Variants in KIAA1958 observed in about 807,000 individuals in gnomAD.
KIAA1958 encodes uncharacterized protein KIAA1958.
Under a neutral mutation model 47.2 loss-of-function variants are expected in KIAA1958, and 14 were observed. The observed-to-expected ratio is 0.30, with a 90% confidence interval of 0.20 to 0.46. KIAA1958 has a LOEUF of 0.46. Among genes scored for constraint, KIAA1958 ranks in the 20% least tolerant of loss-of-function variants. The probability of loss-of-function intolerance (pLI) is 1.00; values close to 1 mark genes in which losing one functional copy is unlikely to be tolerated. For missense variants in KIAA1958, 803 were observed against 909.2 expected (o/e 0.88, Z 1.50); for synonymous variants, 354 against 353.3 (o/e 1.00, Z -0.02).
intron 1 of KIAA1958, among the ~76,000 whole-genome samples, chr9:112,550,052 G>A (rs2132837007): frequency 6.6e-6 from 1 of 152,310 alleles, no homozygotes; most frequent in East Asian, 1.9e-4. Flanking sequence ...TGAGTTTAAT[G>A]TGGCTGGAGC....
In KIAA1958 at chr9:112,575,232, C is replaced by T. The variant is rs775915908; in HGVS notation, c.1152C>T (p.Ala384=). 1.3e-6 allele frequency: 2 copies of T among 1,564,050 alleles called. No homozygotes were observed. The highest frequency in any genetic ancestry group is 2.4e-5 in the South Asian group (2 of 83,426). Residue 384 remains alanine, a synonymous_variant, in exon 2 of 4, where the codon GCC becomes GCT. Transcript: ENST00000337530. The part of the protein sequence containing the change: ...PPVAPAITTE[A]TAQCIPAYST... Reference sequence around the variant, plus strand: ...TCGCTCCAGCCATAACCACTGAGGCCACAGCACAGTGCATACCAGGTATGG... The same window carrying T: ...TCGCTCCAGCCATAACCACTGAGGCTACAGCACAGTGCATACCAGGTATGG...
rs929494250 is a variant in KIAA1958 at position 112,665,041 on chromosome 9, T to A, written c.*4972T>A. Reference sequence around the variant, plus strand: ...TTGCGCTCAATTAAAGTGCTTATTATTTAGCTAAAACAACTTATATGGAAG... The same window carrying A: ...TTGCGCTCAATTAAAGTGCTTATTAATTAGCTAAAACAACTTATATGGAAG... On this transcript the variant is annotated 3_prime_UTR_variant, in exon 4 of 4. Transcript: ENST00000337530. 2 of 152,124 alleles carry A rather than the reference T, an allele frequency of 1.3e-5. No homozygotes were observed. Among genetic ancestry groups the A allele is most frequent in the Non-Finnish European group, 2.9e-5 (2 of 68,028 alleles). The allele number at this position is 152,124 out of a possible 1,614,324, so 9.4% of individuals were successfully genotyped here.
At chr9:112,624,465 A>C (rs2131222509) in intron 2 of KIAA1958, among the ~76,000 whole-genome samples, 1 of 152,226 alleles carries the variant, frequency 6.6e-6, no homozygotes, top group East Asian at 1.9e-4. Context: ...ATCAAATAGA[A>C]CTGGAATAAA....
chr9:112,580,394 G>A (rs1188834990), intron 2 of KIAA1958, among the ~76,000 whole-genome samples: 1 of 151,962 alleles, frequency 6.6e-6, no homozygotes, highest in Non-Finnish European at 1.5e-5. Context: ...AAATATGTGT[G>A]CTTGTGTATA....
intron 1 of KIAA1958, among the ~76,000 whole-genome samples, chr9:112,498,891 C>T (rs1309640385): frequency 1.3e-5 from 2 of 152,186 alleles, no homozygotes; most frequent in South Asian, 2.1e-4. Context: ...CTCTATCCAT[C>T]CCTCTCCCTT....
chr9:112,510,819 C>T (rs1478777239), intron 1 of KIAA1958, among the ~76,000 whole-genome samples: 1 of 151,932 alleles, frequency 6.6e-6, no homozygotes, highest in Non-Finnish European at 1.5e-5. Context: ...GTACAGTAGT[C>T]TCAGAGAGCT....
At chr9:112,637,293 A>ACATCTGT (rs768488867) in intron 2 of KIAA1958, among the ~76,000 whole-genome samples, 9 of 152,126 alleles carry the variant, frequency 5.9e-5, no homozygotes, top group Non-Finnish European at 1.0e-4. Context: ...TTTTGCCTGA[A>ACATCTGT]CATCTGTCTT....
At chr9:112,648,408 C>T (rs1325602759) in intron 3 of KIAA1958, among the ~76,000 whole-genome samples, 1 of 152,162 alleles carries the variant, frequency 6.6e-6, no homozygotes, top group Non-Finnish European at 1.5e-5. Context: ...AACCTAAGAG[C>T]TCTGAAGATA....
At chr9:112,656,135 G>C (rs1837146382) in intron 3 of KIAA1958, among the ~76,000 whole-genome samples, 1 of 152,118 alleles carries the variant, frequency 6.6e-6, no homozygotes, top group African/African-American at 2.4e-5. Context: ...CACTTTGGGA[G>C]GCCTAGGCGG....
intron 1 of KIAA1958, among the ~76,000 whole-genome samples, chr9:112,540,526 A>G (rs1305187825): frequency 6.6e-6 from 1 of 151,946 alleles, no homozygotes; most frequent in Non-Finnish European, 1.5e-5. Flanking sequence ...GGGGGTAAAA[A>G]CTCCACCAGA....
At chr9:112,520,970 C>G (rs1834530007) in intron 1 of KIAA1958, among the ~76,000 whole-genome samples, 1 of 151,992 alleles carries the variant, frequency 6.6e-6, no homozygotes, top group Non-Finnish European at 1.5e-5. Context: ...CCATCTCCTT[C>G]TTTGTTTTGT....
intron 2 of KIAA1958, among the ~76,000 whole-genome samples, chr9:112,620,882 G>C (rs1232320396): frequency 6.6e-6 from 1 of 151,892 alleles, no homozygotes; most frequent in Non-Finnish European, 1.5e-5. Flanking sequence ...GATAACTACT[G>C]TTAACATTTT....
chr9:112,635,527 C>G (rs1327986350), intron 2 of KIAA1958, among the ~76,000 whole-genome samples: 4 of 152,196 alleles, frequency 2.6e-5, no homozygotes, highest in African/African-American at 9.7e-5. Context: ...GTTGGGATTA[C>G]AGGCGTGAGC....
At chr9:112,584,290 A>G (rs1283376589) in intron 2 of KIAA1958, among the ~76,000 whole-genome samples, 1 of 152,214 alleles carries the variant, frequency 6.6e-6, no homozygotes, top group African/African-American at 2.4e-5. Flanking sequence ...GGGTTGATAT[A>G]TATATAGATT....
At chr9:112,641,500 T>C (rs1025023748) in intron 2 of KIAA1958, among the ~76,000 whole-genome samples, 3 of 151,890 alleles carry the variant, frequency 2.0e-5, no homozygotes, top group African/African-American at 7.2e-5. Flanking sequence ...CCAAGATATG[T>C]TTACGTGTAT....
At position 112,491,558 on chromosome 9, in the gene KIAA1958, GT is replaced by G. The variant is rs765102234; in HGVS notation, c.-25+4448del. Among the ~76,000 whole-genome samples, 64 of 143,700 alleles carry G rather than the reference GT, an allele frequency of 4.5e-4. No homozygotes were observed. In the South Asian group the frequency reaches 6.8e-3, roughly 15 times the overall value. 94.3% of individuals were successfully genotyped at this position (143,700 alleles called of 152,430 possible). A position where few individuals can be genotyped will look rare whatever the true frequency, so the allele number is the denominator to read the frequency against. ...TAATTATTAGCTGGTTTTTTTTTTT[GT>G]TTTTTTTGTTTTTTTTTTCCTTAAG... On this transcript the variant is annotated intron_variant, in intron 1 of 3. Coordinates refer to ENST00000337530, the MANE Select transcript of KIAA1958 (RefSeq NM_133465.4).
At chr9:112,634,777 G>A (rs1480659691) in intron 2 of KIAA1958, among the ~76,000 whole-genome samples, 1 of 152,066 alleles carries the variant, frequency 6.6e-6, no homozygotes, top group Admixed American at 6.5e-5. Flanking sequence ...GTGGAATTCT[G>A]TTTATCCACT....
chr9:112,529,485 G>A (rs777541777), intron 1 of KIAA1958, among the ~76,000 whole-genome samples: 9 of 152,144 alleles, frequency 5.9e-5, no homozygotes, highest in East Asian at 1.9e-4. Flanking sequence ...AGCTGTGGCA[G>A]TTTTTCAGAC....
At chr9:112,584,689 A>G (rs1023197226) in intron 2 of KIAA1958, among the ~76,000 whole-genome samples, 2 of 152,232 alleles carry the variant, frequency 1.3e-5, no homozygotes, top group Non-Finnish European at 2.9e-5. Context: ...TTATCTATGC[A>G]GTACTTTTAT....
Sources: allele counts gnomAD v4.1 joint callset (sites outside exome capture counted in the v4.1 genomes callset), GRCh38; gene constraint gnomAD v4.1.1; transcripts MANE v1.5; gene names NCBI Gene and HGNC (gene_info 2026-07-23, HGNC 2026-07-21).